Variants in SLC45A4 observed in about 807,000 individuals in gnomAD.
The protein encoded by SLC45A4 is solute carrier family 45 member 4, also known as polyamine-transporter SLC45A4.
Under a neutral mutation model 63.7 loss-of-function variants are expected in SLC45A4, and 32 were observed. The ratio of observed to expected loss-of-function variants is 0.50; its 90% CI spans 0.38 to 0.67. SLC45A4 has a LOEUF of 0.67. Among genes scored for constraint, SLC45A4 ranks in the 30% least tolerant of loss-of-function variants. The pLI is 0.00. For synonymous variants in SLC45A4, 535 were observed against 510.0 expected (o/e 1.05, Z -0.66); for missense variants, 1,027 against 1,157.7 (o/e 0.89, Z 1.64).
intron 1 of SLC45A4, among the ~76,000 whole-genome samples, chr8:141,302,973 G>T (rs1589870310): frequency 6.9e-6 from 1 of 145,542 alleles, no homozygotes; most frequent in Admixed American, 6.9e-5. Flanking sequence ...TTATTTTCTT[G>T]TTTTCTGGCC....
rs975131134 is a variant in SLC45A4, at chr8:141,269,576, GTGTC to G, written c.-400-14951_-400-14948del. Among the ~76,000 whole-genome samples, 6 of 151,536 alleles carry G rather than the reference GTGTC, an allele frequency of 4.0e-5. No individual in the cohort carries two copies. The South Asian group carries it at 1.0e-3, about 26-fold the overall frequency. On this transcript the variant is annotated intron_variant, in intron 1 of 8. Coordinates refer to ENST00000517878, the MANE Select transcript of SLC45A4 (RefSeq NM_001286646.2). ...TGTCTGTGTGTCAATGTCTGCCTATGTGTCTGTGTGTGTGGGTGTGTCTGTGTAT... is the reference window on the plus strand; with the variant it reads ...TGTCTGTGTGTCAATGTCTGCCTATGTGTGTGTGTGGGTGTGTCTGTGTAT...
In SLC45A4 at chr8:141,263,769, C is replaced by CAAA. The variant is rs67335309; in HGVS notation, c.-400-9143_-400-9141dup. Reference sequence around the variant, plus strand: ...TGGGCGACAGAGCAAGACTCCGTCTCAAAAAAAAAAAAAATAAAAATAATA... The same window carrying CAAA: ...TGGGCGACAGAGCAAGACTCCGTCTCAAAAAAAAAAAAAAAAATAAAAATAATA... On this transcript the variant is annotated intron_variant, in intron 1 of 8. Transcript: ENST00000517878. Among the ~76,000 whole-genome samples the CAAA allele has an allele frequency of 8.1e-3, 720 of 89,024 alleles. 9 individuals carry two copies. The highest frequency in any genetic ancestry group is 0.022 in the African/African-American group (523 of 23,832). The allele number at this position is 89,024 out of a possible 152,430, so 58.4% of individuals were successfully genotyped here.
Position 141,215,635 on chromosome 8 carries a change from C to A in SLC45A4, c.1941+124G>T. 1.0e-6 allele frequency: 1 copy of A among 966,666 alleles called. No homozygotes were observed. Among genetic ancestry groups the A allele is most frequent in the East Asian group, 2.6e-5 (1 of 38,522 alleles). 59.9% of individuals were successfully genotyped at this position (966,666 alleles called of 1,614,324 possible). A position where few individuals can be genotyped will look rare whatever the true frequency, so the allele number is the denominator to read the frequency against. On this transcript the variant is annotated intron_variant, in intron 7 of 8. Transcript: ENST00000517878. This position sits in a 1 kb window ranked among gnomAD's most constrained non-coding sequence, Gnocchi z 4.3. ...GCTTTGGAAGGGGCCATCTCAGAAC[C>A]GGAGAGGAAGGAGGGCCATCTGTGT...
Position 141,218,269 on chromosome 8 carries a change from G to A in SLC45A4, c.1371C>T (p.Asp457=). 6.2e-7 allele frequency: 1 copy of A among 1,603,620 alleles called. No homozygotes were observed. The highest frequency in any genetic ancestry group is 8.5e-7 in the Non-Finnish European group (1 of 1,179,796). Residue 457 remains aspartate (D), a synonymous_variant, in exon 5 of 9, where the codon GAC becomes GAT. Coordinates refer to ENST00000517878, the MANE Select transcript of SLC45A4 (RefSeq NM_001286646.2). ...GCTGCCGCTTCTGCATGTCGTACAG[G>A]TCGCTCATGCTGCGCGACGGCTTGA... is the stretch of plus-strand genomic sequence containing the variant. ...VLIKPSRSMS[D]LYDMQKRQRQ... is the part of the protein sequence containing the mutation.
chr8:141,290,296 C>T (rs1175616826), intron 1 of SLC45A4, among the ~76,000 whole-genome samples: 2 of 151,930 alleles, frequency 1.3e-5, no homozygotes, highest in African/African-American at 2.4e-5. Flanking sequence ...TCCTCGGCAC[C>T]GGCAGAAAGG....
chr8:141,218,418 T>G lies in SLC45A4; in HGVS notation c.1222A>C (p.Thr408Pro). 1 of 1,611,318 alleles carries G rather than the reference T, an allele frequency of 6.2e-7. No homozygotes were observed. The highest frequency in any genetic ancestry group is 8.5e-7 in the Non-Finnish European group (1 of 1,179,912). ...YTRVDTKPSA[T>P]SSSMRRRRHA... ...CGCCGCCGCCGCATGGAGCTCGACG[T>G]GGCCGAGGGCTTCGTGTCCACCCTG... is the stretch of plus-strand genomic sequence containing the variant. The change falls in exon 5 of 9, where the codon ACG becomes CCG. Residue 408 changes from threonine to proline, a missense_variant. Transcript: ENST00000517878.
At chr8:141,290,103 A>C (rs2154615260) in intron 1 of SLC45A4, among the ~76,000 whole-genome samples, 1 of 152,358 alleles carries the variant, frequency 6.6e-6, no homozygotes, top group South Asian at 2.1e-4. Flanking sequence ...CATATGTATA[A>C]TTATACATGT....
At chr8:141,255,641 G>A (rs572677581) in intron 1 of SLC45A4, among the ~76,000 whole-genome samples, 5 of 152,256 alleles carry the variant, frequency 3.3e-5, no homozygotes, top group East Asian at 1.9e-4. Flanking sequence ...ACTTGAACCC[G>A]GGAGGTGGAA....
Position 141,254,032 on chromosome 8 carries a change from G to GT in SLC45A4, c.197dup (p.Tyr66Ter), listed in dbSNP as rs1828652084. The change falls in exon 2 of 9, where the codon TAC (tyrosine) becomes TAAC (stop). Residue 66 changes from tyrosine to a stop codon, truncating the protein, a stop_gained and frameshift_variant. Transcript: ENST00000517878. LOFTEE classifies it high-confidence loss of function. The surrounding 1 kb of genome is among the most constrained non-coding windows in gnomAD (Gnocchi z 4.5). ...GAVMFGREFC[Y>*]AMETALVTPI... The stretch of plus-strand genomic sequence containing the variant: ...GTGTGACCAGAGCGGTTTCCATGGC[G>GT]TAACAGAACTCCCTGCCAAACATCA... The GT allele has an allele frequency of 1.3e-6, 2 of 1,536,012 alleles. No individual in the cohort carries two copies. The highest frequency in any genetic ancestry group is 3.9e-5 in the Admixed American group (2 of 50,980).
chr8:141,225,177 C>CT (rs1029603333), intron 2 of SLC45A4: 3 of 151,966 alleles, frequency 2.0e-5, no homozygotes, highest in African/African-American at 4.8e-5. Flanking sequence ...GTCGCCTTTT[C>CT]TTTTTTAAAA....
chr8:141,251,826 A>G (rs1201382147), intron 2 of SLC45A4, among the ~76,000 whole-genome samples: 1 of 151,626 alleles, frequency 6.6e-6, no homozygotes, highest in Admixed American at 6.6e-5. Context: ...GGATGGACAC[A>G]GTATCTCCTG....
At chr8:141,282,489 G>A (rs537957997) in intron 1 of SLC45A4, among the ~76,000 whole-genome samples, 8 of 152,076 alleles carry the variant, frequency 5.3e-5, no homozygotes, top group African/African-American at 1.4e-4. Flanking sequence ...CCTCCAGGCC[G>A]CCGCTCAGGG....
In SLC45A4 at chr8:141,229,391, G is replaced by GCC. The variant is rs1362013009; in HGVS notation, c.242-7628_242-7627dup. On this transcript the variant is annotated intron_variant, in intron 2 of 8. Transcript: ENST00000517878. The surrounding 1 kb of genome is among the most constrained non-coding windows in gnomAD (Gnocchi z 5.0). ...TCCCTCTCCACACCAGACTCCAACC[G>GCC]CCCACCCCACCCTACCTCCTCTTCT... Among the ~76,000 whole-genome samples, 2 of 151,760 alleles carry GCC rather than the reference G, an allele frequency of 1.3e-5. No individual in the cohort carries two copies. The highest frequency in any genetic ancestry group is 2.9e-5 in the Non-Finnish European group (2 of 67,952).
intron 1 of SLC45A4, among the ~76,000 whole-genome samples, chr8:141,295,416 A>ATC (rs576860647): frequency 6.6e-6 from 1 of 152,192 alleles, no homozygotes; most frequent in African/African-American, 2.4e-5. Context: ...CTCCATGAAG[A>ATC]TCTCTCTCTT....
chr8:141,218,413 C>A lies in SLC45A4; in HGVS notation c.1227G>T (p.Ser409=). The A allele has an allele frequency of 6.2e-7, 1 of 1,610,722 alleles. No homozygotes were observed. The highest frequency in any genetic ancestry group is 8.5e-7 in the Non-Finnish European group (1 of 1,179,912). The stretch of plus-strand genomic sequence containing the variant: ...CGTGCCGCCGCCGCCGCATGGAGCT[C>A]GACGTGGCCGAGGGCTTCGTGTCCA... ...TRVDTKPSAT[S]SSMRRRRHAF... Residue 409 remains serine, a synonymous_variant, in exon 5 of 9, where the codon TCG becomes TCT. Coordinates refer to ENST00000517878, the MANE Select transcript of SLC45A4 (RefSeq NM_001286646.2).
Position 141,218,938 on chromosome 8 carries a change from G to A in SLC45A4, c.702C>T (p.Leu234=). The change falls in exon 5 of 9, where the codon CTC becomes CTT. Residue 234 remains leucine (L), a synonymous_variant. Coordinates refer to ENST00000517878, the MANE Select transcript of SLC45A4 (RefSeq NM_001286646.2). The part of the protein sequence containing the change: ...GSWFRTQNQV[L]FFFAAIIFTV... ...TGAAGATGATGGCGGCAAAGAAGAAGAGCACCTGGTTCTGGGTCCGGAACC... is the reference window on the plus strand; with the variant it reads ...TGAAGATGATGGCGGCAAAGAAGAAAAGCACCTGGTTCTGGGTCCGGAACC... 6.2e-7 allele frequency: 1 copy of A among 1,613,752 alleles called. No individual in the cohort carries two copies. The highest frequency in any genetic ancestry group is 1.3e-5 in the African/African-American group (1 of 75,060).
At chr8:141,276,017 A>G (rs568186180) in intron 1 of SLC45A4, among the ~76,000 whole-genome samples, 1 of 151,856 alleles carries the variant, frequency 6.6e-6, no homozygotes, top group African/African-American at 2.4e-5. Flanking sequence ...GGCTCAGGCA[A>G]TCCTCCCACC....
At chr8:141,221,279 A>G (rs1826610943) in intron 3 of SLC45A4, among the ~76,000 whole-genome samples, 1 of 152,290 alleles carries the variant, frequency 6.6e-6, no homozygotes, top group South Asian at 2.1e-4. Context: ...GAACAAAAAA[A>G]GACAAGATAA....
At chr8:141,265,310 G>C (rs541531598) in intron 1 of SLC45A4, among the ~76,000 whole-genome samples, 224 of 152,272 alleles carry the variant, frequency 1.5e-3, no homozygotes, top group African/African-American at 5.3e-3. Flanking sequence ...TTCCCTTCAC[G>C]GCCTCCCCCA....
Sources: gnomAD v4.1 joint callset for allele counts (sites outside exome capture counted in the v4.1 genomes callset) on GRCh38, gnomAD v4.1.1 for gene constraint, Gnocchi (gnomAD v3.1) non-coding constraint, MANE v1.5 for transcripts, NCBI Gene and HGNC (gene_info 2026-07-23, HGNC 2026-07-21) for gene names.